Variants in XPOT observed in about 807,000 individuals in gnomAD.
The protein encoded by XPOT is exportin-T.
A neutral mutation model predicts 128.2 loss-of-function variants in XPOT; 34 were observed. The ratio of observed to expected loss-of-function variants is 0.27; its 90% CI spans 0.20 to 0.35. The LOEUF is 0.35. Ranked by LOEUF, XPOT falls within the 10% of genes least tolerant of loss-of-function variation. The probability of loss-of-function intolerance (pLI) is 1.00; values close to 1 mark genes in which losing one functional copy is unlikely to be tolerated. For synonymous variants in XPOT, 348 were observed against 394.3 expected, an observed-to-expected ratio of 0.88 and a Z score of 1.39; for missense variants, 838 against 1,125.3, an observed-to-expected ratio of 0.74 and a Z score of 3.65.
At chr12:64,440,246 C>A (rs934193071) in intron 23 of XPOT, among the ~76,000 whole-genome samples, 1 of 152,158 alleles carries the variant, frequency 6.6e-6, no homozygotes, top group African/African-American at 2.4e-5. Flanking sequence ...TTGTGACTGG[C>A]TGTTTCACAC....
Position 64,448,292 on chromosome 12 carries a change from ATACAGGTATG to A in XPOT, c.*164_*173del, listed in dbSNP as rs1592344641. ...CTGTAAAATGGGTGTAATTTTCCTA[ATACAGGTATG>A]TAACAACAAAAGAAGTTGCCTGCAT... is the stretch of plus-strand genomic sequence containing the variant. On this transcript the variant is annotated 3_prime_UTR_variant, in exon 25 of 25. Coordinates refer to ENST00000332707, the MANE Select transcript of XPOT (RefSeq NM_007235.6). 1.3e-5 allele frequency: 9 copies of A among 673,784 alleles called. No individual in the cohort carries two copies. In the East Asian group the frequency reaches 2.4e-4, roughly 18 times the overall value. The allele number at this position is 673,784 out of a possible 1,614,324, so 41.7% of individuals were successfully genotyped here.
At chr12:64,406,695 A>G (rs1485471723) in intron 1 of XPOT, among the ~76,000 whole-genome samples, 1 of 152,074 alleles carries the variant, frequency 6.6e-6, no homozygotes, top group East Asian at 1.9e-4. Context: ...TTAAAAAGCC[A>G]TAGCAAATTC....
chr12:64,426,673 T>C (rs771819427), intron 15 of XPOT, among the ~76,000 whole-genome samples: 1 of 152,128 alleles, frequency 6.6e-6, no homozygotes, highest in Non-Finnish European at 1.5e-5. Context: ...CCTCCATGTG[T>C]ACCCCCTGAA....
Position 64,418,091 on chromosome 12 carries a change from G to A in XPOT, c.246G>A (p.Thr82=), listed in dbSNP as rs761074080. 7.4e-6 allele frequency: 12 copies of A among 1,613,118 alleles called. No individual in the cohort carries two copies. The Admixed American group carries it at 1.2e-4, about 16-fold the overall frequency. Residue 82 remains threonine (T), a synonymous_variant, in exon 5 of 25, where the codon ACG becomes ACA. Transcript: ENST00000332707. The part of the protein sequence containing the change: ...TTVQQQLIRE[T]LISWLQAQML... ...TTCAACAACAGCTAATTAGGGAGAC[G>A]CTCATATCATGGCTGCAAGCTCAGG...
chr12:64,442,597 A>C (rs1195480036), intron 23 of XPOT: 1 of 152,308 alleles, frequency 6.6e-6, no homozygotes, highest in Non-Finnish European at 1.5e-5. Context: ...CTTTAACTTC[A>C]CAGGTAGATT....
intron 17 of XPOT, among the ~76,000 whole-genome samples, chr12:64,430,996 G>A (rs1332334166): frequency 2.6e-5 from 4 of 152,014 alleles, no homozygotes; most frequent in Non-Finnish European, 5.9e-5. Context: ...TCAGGCTGGA[G>A]TGCAGTGTTG....
intron 1 of XPOT, among the ~76,000 whole-genome samples, chr12:64,407,223 A>G (rs976459414): frequency 2.6e-5 from 4 of 152,000 alleles, no homozygotes; most frequent in African/African-American, 9.7e-5. Flanking sequence ...GGTGGCTCAC[A>G]CCTGTAATCC....
At chr12:64,426,911 A>C (rs898291622) in intron 15 of XPOT, among the ~76,000 whole-genome samples, 1 of 152,080 alleles carries the variant, frequency 6.6e-6, no homozygotes, top group East Asian at 1.9e-4. Flanking sequence ...TGAACCCAGG[A>C]AGCAGAATTT....
At chr12:64,429,436 C>G (rs2040218562) in intron 16 of XPOT, among the ~76,000 whole-genome samples, 1 of 149,456 alleles carries the variant, frequency 6.7e-6, no homozygotes, top group African/African-American at 2.5e-5. Flanking sequence ...AAGTATAGCA[C>G]TCTAGTACTT....
Position 64,425,322 on chromosome 12 carries a change from C to T in XPOT, c.1453-16C>T. 1 of 1,611,756 alleles carries T rather than the reference C, an allele frequency of 6.2e-7. No homozygotes were observed. Among genetic ancestry groups the T allele is most frequent in the South Asian group, 1.1e-5 (1 of 90,904 alleles). On this transcript the variant is annotated splice_polypyrimidine_tract_variant and intron_variant, in intron 13 of 24. Coordinates refer to ENST00000332707, the MANE Select transcript of XPOT (RefSeq NM_007235.6). ...CAATAAATAAGAAGAGGTTTCCTAA[C>T]TTTTTCCTGATCTAGCTGGTAACAT... is the stretch of plus-strand genomic sequence containing the variant.
rs1192917062 is a variant in XPOT at position 64,416,743 on chromosome 12, A to G, written c.189A>G (p.Gln63=). The change falls in exon 4 of 25, where the codon CAA becomes CAG. Residue 63 remains glutamine, a synonymous_variant. Coordinates refer to ENST00000332707, the MANE Select transcript of XPOT (RefSeq NM_007235.6). ...KFFCFQVLEH[Q]VKYKYSELTT... ...TCTGCTTTCAAGTACTGGAACATCA[A>G]GTTAAATACAAGTAAGGCTTTTCTT... 3.7e-6 allele frequency: 6 copies of G among 1,613,160 alleles called. No homozygotes were observed. Among genetic ancestry groups the G allele is most frequent in the African/African-American group, 1.3e-5 (1 of 74,858 alleles).
At chr12:64,442,206 C>T (rs1332497827) in intron 23 of XPOT, among the ~76,000 whole-genome samples, 1 of 152,084 alleles carries the variant, frequency 6.6e-6, no homozygotes, top group East Asian at 1.9e-4. Flanking sequence ...CTGTAACCTC[C>T]ACCTCCCGGG....
chr12:64,431,508 C>T (rs745946552), intron 17 of XPOT, 30 bp from the exon 18 acceptor site: 9 of 1,603,402 alleles, frequency 5.6e-6, no homozygotes, highest in Middle Eastern at 1.7e-4. Context: ...AATAAAGTTG[C>T]ATCTGATTGC....
chr12:64,406,399 G>C (rs879847188), intron 1 of XPOT, among the ~76,000 whole-genome samples: 5 of 143,364 alleles, frequency 3.5e-5, no homozygotes, highest in Non-Finnish European at 1.5e-5. Flanking sequence ...ATGGAGTTTC[G>C]CTCTCGTTGA....
intron 9 of XPOT, among the ~76,000 whole-genome samples, chr12:64,421,813 A>AT (rs547331672): frequency 2.0e-5 from 3 of 151,082 alleles, no homozygotes; most frequent in African/African-American, 4.9e-5. Context: ...CTCATAAACA[A>AT]TTTTTTTTTC....
intron 23 of XPOT, among the ~76,000 whole-genome samples, chr12:64,439,536 C>A (rs1191828811): frequency 1.3e-5 from 2 of 152,174 alleles, no homozygotes; most frequent in Non-Finnish European, 2.9e-5. Context: ...CCTTACTGTT[C>A]TAGCATACTT....
chr12:64,406,813 A>G (rs1225648301), intron 1 of XPOT, among the ~76,000 whole-genome samples: 2 of 152,064 alleles, frequency 1.3e-5, no homozygotes, highest in Non-Finnish European at 2.9e-5. Flanking sequence ...TTTTCTTAAC[A>G]TTTAGGGGGC....
At chr12:64,442,324 G>A (rs1156328316) in intron 23 of XPOT, among the ~76,000 whole-genome samples, 1 of 151,814 alleles carries the variant, frequency 6.6e-6, no homozygotes, top group Non-Finnish European at 1.5e-5. Context: ...TAGTAGAGAC[G>A]GGGTCACCAC....
chr12:64,412,822 A>C (rs1038538934), intron 2 of XPOT, among the ~76,000 whole-genome samples: 8 of 152,198 alleles, frequency 5.3e-5, no homozygotes, highest in African/African-American at 1.9e-4. Context: ...ATGATGGAGT[A>C]GCCTACAGAA....
Sources: gnomAD v4.1 joint callset for allele counts (sites outside exome capture counted in the v4.1 genomes callset) on GRCh38, gnomAD v4.1.1 for gene constraint, MANE v1.5 for transcripts, NCBI Gene and HGNC (gene_info 2026-07-23, HGNC 2026-07-21) for gene names.